The following EPB41L4B variants were observed in gnomAD, a reference collection of about 807,000 sequenced individuals.
EPB41L4B encodes the protein band 4.1-like protein 4B.
A neutral mutation model predicts 112.5 loss-of-function variants in EPB41L4B; 30 were observed. The ratio of observed to expected loss-of-function variants is 0.27; its 90% confidence interval spans 0.20 to 0.36. The LOEUF (loss-of-function observed/expected upper bound fraction) is 0.36, where lower values mean the gene tolerates loss of function less well. Ranked by LOEUF, EPB41L4B falls within the 10% of genes least tolerant of loss-of-function variation. The probability of loss-of-function intolerance (pLI) is 1.00; values close to 1 mark genes in which losing one functional copy is unlikely to be tolerated. For synonymous variants in EPB41L4B, 408 were observed against 439.7 expected (o/e 0.93, Z 0.90); for missense variants, 1,024 against 1,133.3 (o/e 0.90, Z 1.38).
intron 17 of EPB41L4B, among the ~76,000 whole-genome samples, chr9:109,210,982 G>T (rs1462438312): frequency 1.3e-5 from 2 of 152,184 alleles, no homozygotes; most frequent in Non-Finnish European, 2.9e-5. Flanking sequence ...TGGGGATAAA[G>T]AAATGATCAG....
intron 1 of EPB41L4B, among the ~76,000 whole-genome samples, chr9:109,290,461 T>C (rs1376024766): frequency 6.6e-6 from 1 of 152,152 alleles, no homozygotes. Context: ...GGGACTTTTG[T>C]AAACCCATGT....
chr9:109,264,258 T>C (rs560118693), intron 5 of EPB41L4B, among the ~76,000 whole-genome samples: 1 of 152,240 alleles, frequency 6.6e-6, no homozygotes, highest in Non-Finnish European at 1.5e-5. Flanking sequence ...TTTAATTTCC[T>C]TCAGATTATA....
At chr9:109,226,742 T>C (rs1475643037) in intron 15 of EPB41L4B, among the ~76,000 whole-genome samples, 2 of 97,380 alleles carry the variant, frequency 2.1e-5, no homozygotes, top group African/African-American at 7.1e-5. Context: ...ATATGAAGAA[T>C]ATATATATGA....
At chr9:109,221,031 G>A (rs1833555421) in intron 15 of EPB41L4B, among the ~76,000 whole-genome samples, 2 of 152,174 alleles carry the variant, frequency 1.3e-5, no homozygotes, top group East Asian at 1.9e-4. Flanking sequence ...CAGCTGTAAC[G>A]TGAGTTGGGT....
At position 109,236,254 on chromosome 9, in the gene EPB41L4B, AG is replaced by A. The variant is rs541294249; in HGVS notation, c.1409+7363del. On this transcript the variant is annotated intron_variant, in intron 15 of 25. Transcript: ENST00000374566. ...ACACACACTTGGTTTGATAGATTGC[AG>A]GGGGCCAGTTAATGATGAAATTAAA... is the stretch of plus-strand genomic sequence containing the variant. Among the ~76,000 whole-genome samples, 10 of 152,314 alleles carry A rather than the reference AG, an allele frequency of 6.6e-5. No homozygotes were observed. The South Asian group carries it at 1.5e-3, about 22-fold the overall frequency.
intron 1 of EPB41L4B, among the ~76,000 whole-genome samples, chr9:109,306,259 A>C (rs1837187636): frequency 6.6e-6 from 1 of 152,218 alleles, no homozygotes. Context: ...GAAGGGAAGG[A>C]GCCCTGTAAA....
intron 1 of EPB41L4B, among the ~76,000 whole-genome samples, chr9:109,283,896 G>A (rs1476458366): frequency 6.6e-6 from 1 of 150,992 alleles, no homozygotes; most frequent in Non-Finnish European, 1.5e-5. Flanking sequence ...AGATCAGCCT[G>A]GGCAACATAG....
At position 109,279,910 on chromosome 9, in the gene EPB41L4B, T is replaced by C. The variant is rs1423804125; in HGVS notation, c.318A>G (p.Lys106=). Residue 106 remains lysine (K), a synonymous_variant, in exon 2 of 26, where the codon AAA becomes AAG. Transcript: ENST00000374566. ...CAATCTGATCAAACAAATCCTGGCC[T>C]TTGGCATGTTTCTGGAAGACAATTG... ...EVSVDLPKHA[K]GQDLFDQIVY... The C allele has an allele frequency of 6.2e-7, 1 of 1,613,412 alleles. No homozygotes were observed. Among genetic ancestry groups the C allele is most frequent in the Non-Finnish European group, 8.5e-7 (1 of 1,179,838 alleles).
chr9:109,226,698 ATATATATAT>A (rs1564279070), intron 15 of EPB41L4B, among the ~76,000 whole-genome samples: 15 of 136,608 alleles, frequency 1.1e-4, no homozygotes, highest in African/African-American at 3.7e-4. Context: ...ATATATATGA[ATATATATAT>A]GAAGAATATA....
chr9:109,254,203 C>T (rs539810139), intron 11 of EPB41L4B, among the ~76,000 whole-genome samples: 43 of 152,298 alleles, frequency 2.8e-4, no homozygotes, highest in African/African-American at 9.6e-4. Context: ...TGGGACTAAG[C>T]CTGGGGCAGT....
At chr9:109,237,585 G>A (rs899220803) in intron 15 of EPB41L4B, among the ~76,000 whole-genome samples, 8 of 152,168 alleles carry the variant, frequency 5.3e-5, no homozygotes, top group African/African-American at 1.4e-4. Context: ...CAATCTCTGC[G>A]GGACTACTGC....
intron 12 of EPB41L4B, among the ~76,000 whole-genome samples, chr9:109,253,167 G>C (rs1477304238): frequency 6.6e-6 from 1 of 152,164 alleles, no homozygotes; most frequent in Non-Finnish European, 1.5e-5. Context: ...ACCGGGGCTT[G>C]AGCCCAGGTC....
chr9:109,251,404 T>C, intron 13 of EPB41L4B, 77 bp downstream of exon 13: 1 of 1,405,864 alleles, frequency 7.1e-7, no homozygotes, highest in South Asian at 1.2e-5. Context: ...TTCACTGTAG[T>C]AAGGAAAAAG....
At chr9:109,305,649 G>A (rs1447787145) in intron 1 of EPB41L4B, among the ~76,000 whole-genome samples, 9 of 151,932 alleles carry the variant, frequency 5.9e-5, no homozygotes, top group South Asian at 4.2e-4. Flanking sequence ...AAGGCCAGGC[G>A]TGGTGGTTCA....
intron 15 of EPB41L4B, among the ~76,000 whole-genome samples, chr9:109,225,134 CAT>C (rs1833714845): frequency 6.6e-6 from 1 of 152,348 alleles, no homozygotes; most frequent in Non-Finnish European, 1.5e-5. Flanking sequence ...TGTCACATCA[CAT>C]GTTTTCGTGT....
At chr9:109,234,430 T>C (rs553100297) in intron 15 of EPB41L4B, among the ~76,000 whole-genome samples, 1 of 152,348 alleles carries the variant, frequency 6.6e-6, no homozygotes, top group Admixed American at 6.5e-5. Context: ...CATTTATACA[T>C]GGAGTAGCTC....
intron 1 of EPB41L4B, among the ~76,000 whole-genome samples, chr9:109,312,535 G>A (rs1186727085): frequency 6.6e-6 from 1 of 152,122 alleles, no homozygotes; most frequent in African/African-American, 2.4e-5. Context: ...CAGCTGTGCT[G>A]TCAGAGACCT....
chr9:109,299,948 C>A (rs1341890775), intron 1 of EPB41L4B, among the ~76,000 whole-genome samples: 1 of 152,226 alleles, frequency 6.6e-6, no homozygotes, highest in Non-Finnish European at 1.5e-5. Context: ...CACACCACTG[C>A]CATAACACAA....
At chr9:109,304,341 C>T (rs568690025) in intron 1 of EPB41L4B, among the ~76,000 whole-genome samples, 2 of 152,254 alleles carry the variant, frequency 1.3e-5, no homozygotes, top group South Asian at 4.2e-4. Context: ...TACTTGACCC[C>T]TAACATTTGA....
Sources: gnomAD v4.1 joint callset for allele counts (sites outside exome capture counted in the v4.1 genomes callset) on GRCh38, gnomAD v4.1.1 for gene constraint, MANE v1.5 for transcripts, NCBI Gene and HGNC (gene_info 2026-07-23, HGNC 2026-07-21) for gene names.